COP1: variants seen among roughly 807,000 people sequenced by gnomAD.
COP1 encodes E3 ubiquitin-protein ligase COP1.
Under a neutral mutation model 101.3 loss-of-function variants are expected in COP1, and 24 were observed. The observed-to-expected ratio is 0.24, with a 90% CI of 0.17 to 0.33. COP1 has a LOEUF of 0.33. Ranked by LOEUF, COP1 falls within the 10% of genes least tolerant of loss-of-function variation. The pLI is 1.00. For synonymous variants in COP1, 347 were observed against 341.9 expected (o/e 1.01, Z -0.17); for missense variants, 663 against 906.2 (o/e 0.73, Z 3.45).
At chr1:176,056,204 T>C (rs905227287) in intron 11 of COP1, among the ~76,000 whole-genome samples, 1 of 152,236 alleles carries the variant, frequency 6.6e-6, no homozygotes, top group Non-Finnish European at 1.5e-5. Context: ...ATTTGGTATA[T>C]GATCTAGATT....
At chr1:175,958,316 C>T (rs893146192) in intron 18 of COP1, among the ~76,000 whole-genome samples, 1 of 151,710 alleles carries the variant, frequency 6.6e-6, no homozygotes, top group Non-Finnish European at 1.5e-5. Context: ...TTCTGATTTC[C>T]CAACATAATA....
intron 16 of COP1, 191 bp from the exon 17 acceptor site, chr1:175,988,603 C>G (rs567333237): frequency 4.4e-6 from 2 of 451,480 alleles, no homozygotes; most frequent in African/African-American, 3.9e-5. Context: ...TAGGCCGAGG[C>G]AGGTGGACCA....
intron 9 of COP1, among the ~76,000 whole-genome samples, chr1:176,093,586 T>A (rs1440356855): frequency 6.6e-6 from 1 of 152,078 alleles, no homozygotes; most frequent in African/African-American, 2.4e-5. Flanking sequence ...ACACCTGTAA[T>A]CCCAGCACTT....
chr1:175,966,013 G>A (rs994935220), intron 18 of COP1, among the ~76,000 whole-genome samples: 5 of 152,090 alleles, frequency 3.3e-5, no homozygotes, highest in African/African-American at 1.2e-4. Flanking sequence ...TCAAACATAG[G>A]TTCCAATATC....
At chr1:176,109,193 G>A (rs539516632) in intron 9 of COP1, among the ~76,000 whole-genome samples, 18 of 152,030 alleles carry the variant, frequency 1.2e-4, no homozygotes, top group South Asian at 6.2e-4. Flanking sequence ...TAATTATGAC[G>A]CCTTTCTCAA....
At chr1:176,125,538 G>T (rs925572999) in intron 8 of COP1, among the ~76,000 whole-genome samples, 3 of 152,092 alleles carry the variant, frequency 2.0e-5, no homozygotes, top group African/African-American at 4.8e-5. Flanking sequence ...TTCACTGTAG[G>T]TGTGTGGATT....
At chr1:175,967,118 A>T (rs1397622147) in intron 18 of COP1, among the ~76,000 whole-genome samples, 1 of 152,240 alleles carries the variant, frequency 6.6e-6, no homozygotes, top group African/African-American at 2.4e-5. Context: ...AAGTATGGCT[A>T]CTCATTTGAC....
chr1:176,093,605 C>A (rs934628872), intron 9 of COP1, among the ~76,000 whole-genome samples: 2 of 151,852 alleles, frequency 1.3e-5, no homozygotes, highest in African/African-American at 4.8e-5. Flanking sequence ...TTTGGGAGGC[C>A]GAGGTGGGCA....
intron 10 of COP1, among the ~76,000 whole-genome samples, chr1:176,082,729 C>A (rs371273801): frequency 6.6e-6 from 1 of 151,262 alleles, no homozygotes; most frequent in Non-Finnish European, 1.5e-5. Context: ...AGCTTGAACC[C>A]GGGAGGTGGA....
At chr1:175,961,545 A>C (rs1037981994) in intron 18 of COP1, among the ~76,000 whole-genome samples, 1 of 152,000 alleles carries the variant, frequency 6.6e-6, no homozygotes, top group African/African-American at 2.4e-5. Context: ...AACAGAAAGA[A>C]ATAGGCTGGG....
chr1:176,130,002 T>C (rs1436444956), intron 8 of COP1, among the ~76,000 whole-genome samples: 2 of 151,692 alleles, frequency 1.3e-5, no homozygotes, highest in African/African-American at 4.8e-5. Context: ...TCCTATTCAA[T>C]TACACATAAT....
intron 1 of COP1, among the ~76,000 whole-genome samples, chr1:176,189,497 T>C (rs1182003892): frequency 6.6e-6 from 1 of 151,964 alleles, no homozygotes; most frequent in Non-Finnish European, 1.5e-5. Flanking sequence ...AACAAAAATA[T>C]CTTTCAAAAT....
At chr1:176,167,371 G>A (rs1233503002) in intron 3 of COP1, among the ~76,000 whole-genome samples, 6 of 152,204 alleles carry the variant, frequency 3.9e-5, no homozygotes, top group African/African-American at 1.4e-4. Flanking sequence ...GTCCACCATC[G>A]TGGTCCCTGA....
chr1:175,992,728 A>G (rs959294170), intron 15 of COP1, among the ~76,000 whole-genome samples: 4 of 152,256 alleles, frequency 2.6e-5, no homozygotes, highest in Admixed American at 6.5e-5. Flanking sequence ...TTGCTTAGGT[A>G]AACAAAGCAG....
At chr1:175,955,863 T>C (rs867488440) in intron 18 of COP1, among the ~76,000 whole-genome samples, 1 of 146,148 alleles carries the variant, frequency 6.8e-6, no homozygotes, top group African/African-American at 2.5e-5. Context: ...CTAAATAAAT[T>C]GACAGTTATA....
rs1558170463 is a variant in COP1, at chr1:175,967,516, CAAA to C, written c.2133+19424_2133+19426del. ...ACAAACAAACAAACAAACAAACAAA[CAAA>C]CAAACCCAGCTGTGGCTGCTGTAAG... On this transcript the variant is annotated intron_variant, in intron 18 of 19. Transcript: ENST00000367669. 2.3e-3 allele frequency among the ~76,000 whole-genome samples: 236 copies of C among 101,286 alleles called. 3 individuals are homozygous for C. The highest frequency in any genetic ancestry group is 6.8e-3 in the African/African-American group (225 of 32,954). The allele number at this position is 101,286 out of a possible 152,430, so 66.4% of individuals were successfully genotyped here.
chr1:176,075,989 G>A (rs1031480997), intron 11 of COP1, among the ~76,000 whole-genome samples: 10 of 94,148 alleles, frequency 1.1e-4, no homozygotes, highest in Admixed American at 3.2e-4. Context: ...GGTAACAAGC[G>A]CAAAACTCCA....
At chr1:176,101,182 T>A (rs1457863248) in intron 9 of COP1, among the ~76,000 whole-genome samples, 1 of 152,120 alleles carries the variant, frequency 6.6e-6, no homozygotes, top group Non-Finnish European at 1.5e-5. Context: ...GAAAGCTGCT[T>A]TGACACCCAT....
rs558749539 is a variant in COP1, at chr1:176,094,783, T to G, written c.1027-8893A>C. Reference sequence around the variant, plus strand: ...AAAAAGATAATTTATGGTCAGCCTGTAAATTATGAAAAATCTTTACACATA... The same window carrying G: ...AAAAAGATAATTTATGGTCAGCCTGGAAATTATGAAAAATCTTTACACATA... On this transcript the variant is annotated intron_variant, in intron 9 of 19. Transcript: ENST00000367669. Among the ~76,000 whole-genome samples, 10 of 152,204 alleles carry G rather than the reference T, an allele frequency of 6.6e-5. No homozygotes were observed. The South Asian group carries it at 2.1e-3, about 32-fold the overall frequency.
Sources: gnomAD v4.1 joint callset for allele counts (sites outside exome capture counted in the v4.1 genomes callset) on GRCh38, gnomAD v4.1.1 for gene constraint, MANE v1.5 for transcripts, NCBI Gene and HGNC (gene_info 2026-07-23, HGNC 2026-07-21) for gene names.